The following ARHGAP26 variants were observed in gnomAD, a reference collection of about 807,000 sequenced individuals.
ARHGAP26 encodes rho GTPase-activating protein 26.
A neutral mutation model predicts 104.8 loss-of-function variants in ARHGAP26; 38 were observed. The ratio of observed to expected loss-of-function variants is 0.36; its 90% CI spans 0.28 to 0.48. The LOEUF is 0.48. Ranked by LOEUF, ARHGAP26 falls within the 20% of genes least tolerant of loss-of-function variation. The pLI is 0.99. For missense variants in ARHGAP26, 704 were observed against 947.9 expected (o/e 0.74, Z 3.38); for synonymous variants, 341 against 340.0 (o/e 1.00, Z -0.03).
chr5:142,791,497 C>A (rs1759802626), intron 1 of ARHGAP26, among the ~76,000 whole-genome samples: 2 of 152,076 alleles, frequency 1.3e-5, no homozygotes, highest in Non-Finnish European at 2.9e-5. Context: ...TTGGCTGGGC[C>A]AGTTGACTTT....
At chr5:142,949,814 C>T (rs926260535) in intron 11 of ARHGAP26, among the ~76,000 whole-genome samples, 18 of 152,090 alleles carry the variant, frequency 1.2e-4, no homozygotes, top group African/African-American at 3.6e-4. Flanking sequence ...GTCTGTGAAC[C>T]CTCTGCAGTG....
intron 17 of ARHGAP26, among the ~76,000 whole-genome samples, chr5:143,087,633 A>ATTTTTTTT (rs1292744774): frequency 5.2e-5 from 1 of 19,340 alleles, no homozygotes; most frequent in Non-Finnish European, 1.5e-4. Flanking sequence ...ACCCTGGCCC[A>ATTTTTTTT]TTCTTTTTTT....
At chr5:142,870,083 A>G (rs1755052272) in intron 1 of ARHGAP26, among the ~76,000 whole-genome samples, 1 of 152,194 alleles carries the variant, frequency 6.6e-6, no homozygotes. Context: ...CAAAGTAAAT[A>G]TTATTGACTC....
At chr5:143,183,349 T>G (rs1599405661) in intron 20 of ARHGAP26, among the ~76,000 whole-genome samples, 1 of 152,210 alleles carries the variant, frequency 6.6e-6, no homozygotes, top group South Asian at 2.1e-4. Context: ...ACCTGCCTGC[T>G]GATCTTATCG....
At chr5:143,077,364 A>T (rs1479966800) in intron 17 of ARHGAP26, among the ~76,000 whole-genome samples, 1 of 152,220 alleles carries the variant, frequency 6.6e-6, no homozygotes, top group African/African-American at 2.4e-5. Context: ...AGGATTAAAT[A>T]TCTTCATAGG....
chr5:142,966,579 T>G (rs1481397039), intron 11 of ARHGAP26, among the ~76,000 whole-genome samples: 1 of 152,214 alleles, frequency 6.6e-6, no homozygotes, highest in African/African-American at 2.4e-5. Context: ...AGAACAGCCA[T>G]ATAGCCATGA....
chr5:143,171,247 G>T lies in ARHGAP26; in HGVS notation c.1988+23866G>T, dbSNP rs117220888. 9.2e-5 allele frequency among the ~76,000 whole-genome samples: 14 copies of T among 152,240 alleles called. No homozygotes were observed. The East Asian group carries it at 2.7e-3, about 29-fold the overall frequency. ...TCAATATTCCCATTTTACAGATGGG[G>T]AAACTGGGTTTCAGGGGGATAAAGT... On this transcript the variant is annotated intron_variant, in intron 20 of 22. Transcript: ENST00000645722.
At position 142,885,308 on chromosome 5, in the gene ARHGAP26, A is replaced by G; in HGVS notation, c.395A>G (p.Lys132Arg). 1 of 1,613,532 alleles carries G rather than the reference A, an allele frequency of 6.2e-7. No individual in the cohort carries two copies. The highest frequency in any genetic ancestry group is 8.5e-7 in the Non-Finnish European group (1 of 1,179,626). ...EQIGAAKEAK[K>R]KYDKETEKYC... ...CTCTTTTTTTGCCAGGAAGCCAAAA[A>G]GAAGTATGACAAAGAGACAGAAAAG... The change falls in exon 5 of 23, where the codon AAG becomes AGG. Residue 132 changes from lysine (K) to arginine (R), a missense_variant. Lys to Arg is a conservative substitution (Grantham distance 26). Transcript: ENST00000645722.
intron 20 of ARHGAP26, among the ~76,000 whole-genome samples, chr5:143,190,171 C>T (rs1805737667): frequency 6.6e-6 from 1 of 152,166 alleles, no homozygotes; most frequent in Non-Finnish European, 1.5e-5. Context: ...GAGCAGAGCT[C>T]AGGCAGACAG....
At chr5:142,803,045 A>G (rs1561866722) in intron 1 of ARHGAP26, among the ~76,000 whole-genome samples, 1 of 152,062 alleles carries the variant, frequency 6.6e-6, no homozygotes, top group Non-Finnish European at 1.5e-5. Flanking sequence ...CCTCATGCGC[A>G]GACTGTCATA....
At chr5:143,133,893 G>A (rs1041988276) in intron 18 of ARHGAP26, 74 bp from the exon 19 acceptor site, 90 of 1,429,056 alleles carry the variant, frequency 6.3e-5, no homozygotes, top group Middle Eastern at 5.5e-4. Context: ...CAAGCTTTCC[G>A]TTGTACTGCT....
At chr5:142,869,233 G>A (rs66972670) in intron 1 of ARHGAP26, among the ~76,000 whole-genome samples, 11,096 of 140,638 alleles carry the variant, frequency 0.079, 640 homozygotes, top group East Asian at 0.18. Context: ...TTGAGACAGC[G>A]TCTCACACTG....
intron 20 of ARHGAP26, among the ~76,000 whole-genome samples, chr5:143,176,690 G>A (rs1322249625): frequency 2.6e-5 from 4 of 152,166 alleles, no homozygotes; most frequent in Non-Finnish European, 5.9e-5. Flanking sequence ...GCCTGCGGAA[G>A]GAATTACTTT....
intron 12 of ARHGAP26, among the ~76,000 whole-genome samples, chr5:143,018,719 C>T (rs1002341060): frequency 3.3e-5 from 5 of 152,178 alleles, no homozygotes; most frequent in African/African-American, 1.2e-4. Flanking sequence ...CAATACCTCT[C>T]TGTTTTTAAT....
intron 4 of ARHGAP26, among the ~76,000 whole-genome samples, chr5:142,880,339 G>A (rs928090275): frequency 1.1e-4 from 16 of 152,254 alleles, no homozygotes; most frequent in Admixed American, 3.9e-4. Flanking sequence ...CCAATATGGC[G>A]AAACCCCGTC....
chr5:143,222,246 TAC>T (rs66463225), intron 22 of ARHGAP26, 110 bp from the exon 23 acceptor site: 14,457 of 474,866 alleles, frequency 0.03, 13 homozygotes, highest in Non-Finnish European at 0.039. Flanking sequence ...GCTTCCTTCA[TAC>T]ACACACACAC....
intron 20 of ARHGAP26, among the ~76,000 whole-genome samples, chr5:143,201,805 T>C (rs1807782939): frequency 1.3e-5 from 2 of 152,210 alleles, no homozygotes; most frequent in South Asian, 4.1e-4. Context: ...TTGCAGTACA[T>C]AAAATGTGCA....
At chr5:143,042,380 C>T (rs1034076163) in intron 14 of ARHGAP26, among the ~76,000 whole-genome samples, 2 of 152,168 alleles carry the variant, frequency 1.3e-5, no homozygotes, top group African/African-American at 4.8e-5. Flanking sequence ...TCTTCTGATC[C>T]TCTTTGCTTC....
chr5:142,949,236 A>G (rs1333630035), intron 11 of ARHGAP26, among the ~76,000 whole-genome samples: 1 of 119,762 alleles, frequency 8.3e-6, no homozygotes, highest in Non-Finnish European at 1.7e-5. Context: ...GAGAGAGGAG[A>G]GAGAGAGAGA....
Sources: allele counts gnomAD v4.1 joint callset (sites outside exome capture counted in the v4.1 genomes callset), GRCh38; gene constraint gnomAD v4.1.1; transcripts MANE v1.5; gene names NCBI Gene and HGNC (gene_info 2026-07-23, HGNC 2026-07-21).